The following SGK1 variants were observed in gnomAD, a reference collection of about 807,000 sequenced individuals.
The protein encoded by SGK1 is serum/glucocorticoid regulated kinase 1.
Under a neutral mutation model 64.2 loss-of-function variants are expected in SGK1, and 26 were observed. That is an observed-to-expected ratio of 0.40 (90% CI 0.30 to 0.56). The LOEUF is 0.56. Ranked by LOEUF, SGK1 falls within the 20% of genes least tolerant of loss-of-function variation. SGK1 has a pLI of 0.38. For missense variants in SGK1, 519 were observed against 645.6 expected, an observed-to-expected ratio of 0.80 and a Z score of 2.12; for synonymous variants, 265 against 239.7, an observed-to-expected ratio of 1.11 and a Z score of -0.98.
At chr6:134,222,916 G>A (rs1013727882) in intron 2 of SGK1, among the ~76,000 whole-genome samples, 1 of 152,146 alleles carries the variant, frequency 6.6e-6, no homozygotes, top group Non-Finnish European at 1.5e-5. Flanking sequence ...AGGGAGTAGG[G>A]AGACTGGGTT....
At chr6:134,280,509 C>T (rs966325632) in intron 1 of SGK1, among the ~76,000 whole-genome samples, 30 of 152,156 alleles carry the variant, frequency 2.0e-4, no homozygotes, top group African/African-American at 6.8e-4. Context: ...AACTACCGGG[C>T]TCAAGCGATT....
At chr6:134,216,505 T>G (rs1001127985) in intron 2 of SGK1, among the ~76,000 whole-genome samples, 1 of 152,206 alleles carries the variant, frequency 6.6e-6, no homozygotes, top group African/African-American at 2.4e-5. Flanking sequence ...ATCTATGAGA[T>G]AAAAGAGTCT....
chr6:134,217,012 T>C (rs1167559518), intron 2 of SGK1, among the ~76,000 whole-genome samples: 1 of 152,188 alleles, frequency 6.6e-6, no homozygotes, highest in Non-Finnish European at 1.5e-5. Flanking sequence ...TGTCAATGTG[T>C]TCTTCATGCC....
intron 1 of SGK1, among the ~76,000 whole-genome samples, chr6:134,269,413 G>A (rs1371709026): frequency 2.0e-5 from 3 of 147,548 alleles, no homozygotes; most frequent in African/African-American, 7.3e-5. Flanking sequence ...GAGGCCAGGT[G>A]AGGTGGAGGC....
chr6:134,195,915 A>T (rs1273563912), intron 3 of SGK1, among the ~76,000 whole-genome samples: 1 of 152,226 alleles, frequency 6.6e-6, no homozygotes, highest in African/African-American at 2.4e-5. Context: ...AACAAAATGC[A>T]TTCTTCTTTC....
chr6:134,305,363 CAAAAAAA>C (rs34637536), intron 1 of SGK1, among the ~76,000 whole-genome samples: 3 of 65,646 alleles, frequency 4.6e-5, no homozygotes, highest in South Asian at 6.5e-4. Context: ...TACTTCATCT[CAAAAAAA>C]AAAAAAAAAA....
At position 134,278,115 on chromosome 6, in the gene SGK1, C is replaced by A. The variant is rs527399753; in HGVS notation, c.70-15967G>T. ...TTCAAAGCTCTTCGTTCCCTGAAGT[C>A]CTGCTACTGTGACTTGGAACTCTCT... On this transcript the variant is annotated intron_variant, in intron 1 of 13. Transcript: ENST00000367858. 1.3e-3 allele frequency among the ~76,000 whole-genome samples: 195 copies of A among 152,306 alleles called. 3 individuals carry two copies. In the South Asian group the frequency reaches 0.038, roughly 30 times the overall value.
chr6:134,262,878 C>T (rs1776789241), intron 1 of SGK1, among the ~76,000 whole-genome samples: 3 of 150,302 alleles, frequency 2.0e-5, no homozygotes, highest in South Asian at 4.2e-4. Flanking sequence ...TTTGTCTCTA[C>T]GAAAAAAATA....
chr6:134,172,888 A>G (rs1775077518), intron 8 of SGK1, 114 bp from the exon 9 acceptor site: 2 of 1,249,032 alleles, frequency 1.6e-6, no homozygotes, highest in Admixed American at 1.9e-5. Context: ...TTAACTATAA[A>G]CCTGACAGGT....
intron 1 of SGK1, among the ~76,000 whole-genome samples, chr6:134,275,808 C>T (rs968060462): frequency 7.9e-5 from 12 of 152,162 alleles, no homozygotes; most frequent in African/African-American, 2.4e-4. Flanking sequence ...TCTCCTGAAT[C>T]TTTGATTCCC....
chr6:134,298,647 G>A (rs1371294524), intron 1 of SGK1: 30 of 1,338,400 alleles, frequency 2.2e-5, no homozygotes, highest in Non-Finnish European at 3.2e-6. Flanking sequence ...GAAGGCCCGG[G>A]GGCCAGAGAT....
intron 2 of SGK1, among the ~76,000 whole-genome samples, chr6:134,226,036 C>T (rs376910130): frequency 1.9e-4 from 29 of 152,070 alleles, no homozygotes; most frequent in South Asian, 6.2e-4. Flanking sequence ...CACCTAAGCC[C>T]GGGGAGGCTG....
chr6:134,212,215 G>A (rs191922995), intron 2 of SGK1, among the ~76,000 whole-genome samples: 18 of 151,688 alleles, frequency 1.2e-4, no homozygotes, highest in African/African-American at 3.1e-4. Context: ...CACCACGCCC[G>A]GCTAATTTTT....
chr6:134,275,188 A>T (rs1000303266), intron 1 of SGK1, among the ~76,000 whole-genome samples: 3 of 152,160 alleles, frequency 2.0e-5, no homozygotes, highest in Admixed American at 2.0e-4. Context: ...AGTAAATAAA[A>T]TAAAATAATT....
chr6:134,252,616 CAAAAAAAAAA>C lies in SGK1; in HGVS notation c.285+9307_285+9316del, dbSNP rs11418007. Reference sequence around the variant, plus strand: ...TGGGCAACAGAGTGAGATTCCACCTCAAAAAAAAAAAAAAAAAAAAAAAAGCCGCAGACAG... The same window carrying C: ...TGGGCAACAGAGTGAGATTCCACCTCAAAAAAAAAAAAAAGCCGCAGACAG... On this transcript the variant is annotated intron_variant, in intron 2 of 13. Transcript: ENST00000367858. Among the ~76,000 whole-genome samples the C allele has an allele frequency of 5.0e-4, 33 of 66,006 alleles. 1 individual carries two copies. The highest frequency in any genetic ancestry group is 1.8e-3 in the African/African-American group (28 of 15,890). 43.3% of individuals were successfully genotyped at this position (66,006 alleles called of 152,430 possible). A position where few individuals can be genotyped will look rare whatever the true frequency, so the allele number is the denominator to read the frequency against.
At position 134,169,662 on chromosome 6, in the gene SGK1, T is replaced by C. The variant is rs1175730364; in HGVS notation, c.*606A>G. 2 of 152,646 alleles carry C rather than the reference T, an allele frequency of 1.3e-5. No individual in the cohort carries two copies. Among genetic ancestry groups the C allele is most frequent in the Non-Finnish European group, 2.9e-5 (2 of 68,044 alleles). The allele number at this position is 152,646 out of a possible 1,614,324, so 9.5% of individuals were successfully genotyped here. On this transcript the variant is annotated 3_prime_UTR_variant, in exon 14 of 14. Coordinates refer to ENST00000367858, the MANE Select transcript of SGK1 (RefSeq NM_001143676.3). ...GTCATTGCAAGACCATTTCAATAAA[T>C]TTTAGTTATTAACCGTATCTTACAA...
At chr6:134,274,754 T>G (rs780980727) in intron 1 of SGK1, among the ~76,000 whole-genome samples, 37 of 152,268 alleles carry the variant, frequency 2.4e-4, no homozygotes, top group Non-Finnish European at 4.6e-4. Flanking sequence ...TCTCGATTCC[T>G]AAAGCCATTC....
chr6:134,171,966 T>C, intron 10 of SGK1: 1 of 655,454 alleles, frequency 1.5e-6, no homozygotes, highest in Admixed American at 3.0e-5. Flanking sequence ...ATTTAGAAAG[T>C]TTTTATGATG....
chr6:134,271,675 C>T (rs78842711), intron 1 of SGK1, among the ~76,000 whole-genome samples: 1,796 of 147,584 alleles, frequency 0.012, 82 homozygotes, highest in African/African-American at 0.041. Context: ...AAGCTCATGA[C>T]ACCGGGATTT....
Sources: allele counts gnomAD v4.1 joint callset (sites outside exome capture counted in the v4.1 genomes callset), GRCh38; gene constraint gnomAD v4.1.1; transcripts MANE v1.5; gene names NCBI Gene and HGNC (gene_info 2026-07-23, HGNC 2026-07-21).